The following PCDH1 variants were observed in gnomAD, a reference collection of about 807,000 sequenced individuals.
PCDH1 encodes protocadherin 1.
In PCDH1, 23 loss-of-function variants were observed where a neutral mutation model predicts 74.6. The observed-to-expected ratio is 0.31, with a 90% confidence interval of 0.22 to 0.44. The LOEUF is 0.44. Among genes scored for constraint, PCDH1 ranks in the 20% least tolerant of loss-of-function variants. PCDH1 has a pLI of 1.00. For synonymous variants in PCDH1, 647 were observed against 686.1 expected, an observed-to-expected ratio of 0.94 and a Z score of 0.89; for missense variants, 1,214 against 1,641.4, an observed-to-expected ratio of 0.74 and a Z score of 4.50.
At chr5:141,866,853 C>T (rs1752863239) in intron 2 of PCDH1, among the ~76,000 whole-genome samples, 1 of 152,322 alleles carries the variant, frequency 6.6e-6, no homozygotes, top group South Asian at 2.1e-4. Flanking sequence ...ACCCGCCTGC[C>T]TCTGAAAAAT....
Position 141,860,498 on chromosome 5 carries a change from CAA to C in PCDH1, c.3099+2732_3099+2733del, listed in dbSNP as rs375427155. Among the ~76,000 whole-genome samples the C allele has an allele frequency of 1.2e-3, 137 of 115,138 alleles. 1 individual carries two copies. The highest frequency in any genetic ancestry group is 2.8e-3 in the East Asian group (11 of 3,952). 75.5% of individuals were successfully genotyped at this position (115,138 alleles called of 152,430 possible). A position where few individuals can be genotyped will look rare whatever the true frequency, so the allele number is the denominator to read the frequency against. On this transcript the variant is annotated intron_variant, in intron 3 of 4. Coordinates refer to ENST00000287008, the MANE Select transcript of PCDH1 (RefSeq NM_032420.5). ...TGGGTGACAGAGCAAGACCCTGTCT[CAA>C]AAAAAAAAAAAAAAAAGGTTAAACG...
chr5:141,863,889 C>A lies in PCDH1; in HGVS notation c.2442G>T (p.Glu814Asp). ...CCAGCAGCGTGCGGTTGGCCAGAGT[C>A]TCATTGACATAAAGATGGACCAAGG... The part of the protein sequence containing the change: ...GTALVHLYVN[E>D]TLANRTLLET... Residue 814 changes from glutamate to aspartate, a missense_variant, in exon 3 of 5, where the codon GAG becomes GAT. Physicochemically the swap from Glu to Asp is conservative, Grantham distance 45. Coordinates refer to ENST00000287008, the MANE Select transcript of PCDH1 (RefSeq NM_032420.5). This position sits in a 1 kb window ranked among gnomAD's most constrained non-coding sequence, Gnocchi z 7.5. 14 of 1,614,184 alleles carry A rather than the reference C, an allele frequency of 8.7e-6. No individual in the cohort carries two copies. The highest frequency in any genetic ancestry group is 1.2e-5 in the Non-Finnish European group (14 of 1,180,020).
At position 141,868,749 on chromosome 5, in the gene PCDH1, C is replaced by G. The variant is rs1174950089; in HGVS notation, c.723G>C (p.Glu241Asp). The G allele has an allele frequency of 6.2e-7, 1 of 1,614,074 alleles. No homozygotes were observed. The highest frequency in any genetic ancestry group is 8.5e-7 in the Non-Finnish European group (1 of 1,180,028). Residue 241 changes from glutamate (E) to aspartate (D), a missense_variant, in exon 2 of 5, where the codon GAG (glutamate) becomes GAC (aspartate). This residue lies in a region of PCDH1 where 836 missense variants were observed against 1,182.2 expected (regional missense o/e 0.71). Transcript: ENST00000287008. The surrounding 1 kb of genome is among the most constrained non-coding windows in gnomAD (Gnocchi z 4.8). ...QLIVMGNLDRERWDSYDLTIK... is the reference protein window; with the variant it reads ...QLIVMGNLDRDRWDSYDLTIK... ...TGGTGAGGTCATAGGAGTCCCAGCG[C>G]TCACGGTCCAGGTTGCCCATCACAA...
Position 141,878,293 on chromosome 5 carries a change from G to C in PCDH1, c.-31C>G, listed in dbSNP as rs905235018. 38 of 1,237,376 alleles carry C rather than the reference G, an allele frequency of 3.1e-5. No homozygotes were observed. The highest frequency in any genetic ancestry group is 3.8e-5 in the Non-Finnish European group (38 of 992,438). The allele number at this position is 1,237,376 out of a possible 1,614,324, so 76.6% of individuals were successfully genotyped here. On this transcript the variant is annotated 5_prime_UTR_variant, in exon 1 of 5. Coordinates refer to ENST00000287008, the MANE Select transcript of PCDH1 (RefSeq NM_032420.5). The surrounding 1 kb of genome is among the most constrained non-coding windows in gnomAD (Gnocchi z 5.5). ...GCCGCCGGCCCCGGCCTGGGCTGCG[G>C]CTCCGCACGGCTGGGGCTGGAGCTG... is the stretch of plus-strand genomic sequence containing the variant.
At chr5:141,866,414 T>C (rs1199677259) in intron 2 of PCDH1, among the ~76,000 whole-genome samples, 1 of 152,156 alleles carries the variant, frequency 6.6e-6, no homozygotes, top group African/African-American at 2.4e-5. Flanking sequence ...CTCAACTCTA[T>C]ACAAACATGG....
chr5:141,865,637 G>C lies in PCDH1; in HGVS notation c.904-210C>G, dbSNP rs1442851898. 6.6e-6 allele frequency among the ~76,000 whole-genome samples: 1 copy of C among 152,178 alleles called. No homozygotes were observed. Among genetic ancestry groups the C allele is most frequent in the East Asian group, 1.9e-4 (1 of 5,202 alleles). On this transcript the variant is annotated intron_variant, in intron 2 of 4. Coordinates refer to ENST00000287008, the MANE Select transcript of PCDH1 (RefSeq NM_032420.5). The surrounding 1 kb of genome is among the most constrained non-coding windows in gnomAD (Gnocchi z 4.4). ...CATTACTAACCTATTTTCCTGAAGA[G>C]CCCAGATGCAGCCTGCAAATCCTCA...
Position 141,869,737 on chromosome 5 carries a change from C to A in PCDH1, c.41-306G>T, listed in dbSNP as rs1424987280. ...CTCCCTGGGCCCAAGCCCGGCTGCCCGCCCTCTTTCCTTCTTTTCCTCCTT... is the reference window on the plus strand; with the variant it reads ...CTCCCTGGGCCCAAGCCCGGCTGCCAGCCCTCTTTCCTTCTTTTCCTCCTT... On this transcript the variant is annotated intron_variant, in intron 1 of 4. Coordinates refer to ENST00000287008, the MANE Select transcript of PCDH1 (RefSeq NM_032420.5). This position sits in a 1 kb window ranked among gnomAD's most constrained non-coding sequence, Gnocchi z 4.9. The A allele has an allele frequency of 4.8e-6, 7 of 1,448,090 alleles. No homozygotes were observed. In the Admixed American group the frequency reaches 1.4e-4, roughly 29 times the overall value. 89.7% of individuals were successfully genotyped at this position (1,448,090 alleles called of 1,614,324 possible).
intron 2 of PCDH1, among the ~76,000 whole-genome samples, chr5:141,866,883 G>A (rs1031648213): frequency 3.3e-5 from 5 of 152,096 alleles, no homozygotes; most frequent in African/African-American, 1.2e-4. Flanking sequence ...TGCAGTAGTG[G>A]GCACTGCACC....
chr5:141,855,628 C>G (rs539161819), intron 4 of PCDH1, among the ~76,000 whole-genome samples: 62 of 152,190 alleles, frequency 4.1e-4, no homozygotes, highest in African/African-American at 1.5e-3. Context: ...ACCCACCCTC[C>G]TCCTGCAAGA....
intron 1 of PCDH1, among the ~76,000 whole-genome samples, chr5:141,872,286 C>T (rs1241007697): frequency 1.3e-5 from 2 of 152,262 alleles, no homozygotes; most frequent in Admixed American, 6.5e-5. Flanking sequence ...TGTGGTATCA[C>T]TGTGCACCCT....
In PCDH1 at chr5:141,864,045, A is replaced by G. The variant is rs139365073; in HGVS notation, c.2286T>C (p.Tyr762=). The part of the protein sequence containing the change: ...LIYSIAGGNP[Y]GLFQIGSHSG... Reference sequence around the variant, plus strand: ...AATGTGACCCAATCTGGAAGAGTCCATAAGGGTTGCCACCTGCAATGCTGT... The same window carrying G: ...AATGTGACCCAATCTGGAAGAGTCCGTAAGGGTTGCCACCTGCAATGCTGT... Residue 762 remains tyrosine, a synonymous_variant, in exon 3 of 5, where the codon TAT becomes TAC. Coordinates refer to ENST00000287008, the MANE Select transcript of PCDH1 (RefSeq NM_032420.5). This position sits in a 1 kb window ranked among gnomAD's most constrained non-coding sequence, Gnocchi z 5.9. 3.7e-6 allele frequency: 6 copies of G among 1,613,910 alleles called. No individual in the cohort carries two copies. In the African/African-American group the frequency reaches 6.7e-5, roughly 18 times the overall value.
At chr5:141,872,304 TAC>T (rs1305150415) in intron 1 of PCDH1, among the ~76,000 whole-genome samples, 1 of 152,186 alleles carries the variant, frequency 6.6e-6, no homozygotes, top group Non-Finnish European at 1.5e-5. Context: ...CCTAATTCTC[TAC>T]AAAAGTCTTG....
At position 141,864,359 on chromosome 5, in the gene PCDH1, A is replaced by C; in HGVS notation, c.1972T>G (p.Phe658Val). The C allele has an allele frequency of 6.2e-7, 1 of 1,613,988 alleles. No individual in the cohort carries two copies. The highest frequency in any genetic ancestry group is 1.3e-5 in the African/African-American group (1 of 75,012). Residue 658 changes from phenylalanine (F) to valine (V), a missense_variant, in exon 3 of 5, where the codon TTT (phenylalanine) becomes GTT (valine). By Grantham distance (50) the Phe-to-Val change is conservative. Transcript: ENST00000287008. The surrounding 1 kb of genome is among the most constrained non-coding windows in gnomAD (Gnocchi z 5.9). ...GTGCCTGTGCCATTCTGGATAACAA[A>C]GTCACCGTTGTCCTGCTCCACTGAG... is the stretch of plus-strand genomic sequence containing the variant. ...QLSVEQDNGD[F>V]VIQNGTGTIL...
At position 141,868,219 on chromosome 5, in the gene PCDH1, G is replaced by A. The variant is rs779494567; in HGVS notation, c.903+350C>T. On this transcript the variant is annotated intron_variant, in intron 2 of 4. Transcript: ENST00000287008. The surrounding 1 kb of genome is among the most constrained non-coding windows in gnomAD (Gnocchi z 4.8). ...CAGGAGAGATTCTACCTGGATAAAC[G>A]GTGATTCCTTTGTTCCAACTCAGCT... 7.2e-5 allele frequency among the ~76,000 whole-genome samples: 11 copies of A among 152,190 alleles called. No individual in the cohort carries two copies. Among genetic ancestry groups the A allele is most frequent in the African/African-American group, 1.9e-4 (8 of 41,446 alleles).
Position 141,876,776 on chromosome 5 carries a change from CGGGACCCACCAAGGTGTGT to C in PCDH1, c.40+1428_40+1446del, listed in dbSNP as rs557814644. Among the ~76,000 whole-genome samples the C allele has an allele frequency of 2.6e-3, 386 of 150,724 alleles. 1 individual carries two copies. The highest frequency in any genetic ancestry group is 8.6e-3 in the African/African-American group (355 of 41,424). On this transcript the variant is annotated intron_variant, in intron 1 of 4. Coordinates refer to ENST00000287008, the MANE Select transcript of PCDH1 (RefSeq NM_032420.5). ...CAGGTGTGAGACGAACCCAGGTGTG[CGGGACCCACCAAGGTGTGT>C]GGGACCCAGGTGTGCTGGAGACCCA...
Position 141,854,208 on chromosome 5 carries a change from G to T in PCDH1, c.3548C>A (p.Ala1183Asp). ...SPPEDRNTKT[A>D]PVRLLPSYSA... ...GTAGGAGGGCAGGAGGCGCACGGGG[G>T]CCGTTTTGGTGTTCCGGTCTTCCGG... The change falls in exon 5 of 5, where the codon GCC becomes GAC. Residue 1183 changes from alanine (A) to aspartate (D), a missense_variant. Physicochemically the swap from Ala to Asp is moderately radical, Grantham distance 126. This residue lies in a region of PCDH1 where 194 missense variants were observed against 198.3 expected (regional missense o/e 0.98). Transcript: ENST00000287008. The T allele has an allele frequency of 6.2e-7, 1 of 1,610,498 alleles. No homozygotes were observed. The highest frequency in any genetic ancestry group is 8.5e-7 in the Non-Finnish European group (1 of 1,177,790).
At chr5:141,859,662 A>G (rs887660436) in intron 3 of PCDH1, among the ~76,000 whole-genome samples, 4 of 152,066 alleles carry the variant, frequency 2.6e-5, no homozygotes, top group African/African-American at 9.7e-5. Context: ...TCCCTACCTC[A>G]TATCCAATTA....
chr5:141,863,417 T>G lies in PCDH1; in HGVS notation c.2914A>C (p.Asn972His). ...AGCTGGATGGAAGGCAGTGGGGAGTTAGAGCGATAGTGGCGGCCCAGGTCA... is the reference window on the plus strand; with the variant it reads ...AGCTGGATGGAAGGCAGTGGGGAGTGAGAGCGATAGTGGCGGCCCAGGTCA... ...SPDLGRHYRSNSPLPSIQLQP... is the reference protein window; with the variant it reads ...SPDLGRHYRSHSPLPSIQLQP... Residue 972 changes from asparagine to histidine, a missense_variant, in exon 3 of 5, where the codon AAC becomes CAC. This residue lies in a region of PCDH1 where 836 missense variants were observed against 1,182.2 expected (regional missense o/e 0.71). Coordinates refer to ENST00000287008, the MANE Select transcript of PCDH1 (RefSeq NM_032420.5). This position sits in a 1 kb window ranked among gnomAD's most constrained non-coding sequence, Gnocchi z 7.5. 1 of 1,560,816 alleles carries G rather than the reference T, an allele frequency of 6.4e-7. No individual in the cohort carries two copies. Among genetic ancestry groups the G allele is most frequent in the African/African-American group, 1.4e-5 (1 of 73,770 alleles).
chr5:141,873,515 C>T (rs1260815356), intron 1 of PCDH1, among the ~76,000 whole-genome samples: 1 of 150,700 alleles, frequency 6.6e-6, no homozygotes, highest in South Asian at 2.1e-4. Context: ...GGCGCGATCC[C>T]GGCTCACTGC....
Sources: gnomAD v4.1 joint callset for allele counts (sites outside exome capture counted in the v4.1 genomes callset) on GRCh38, gnomAD v4.1.1 for gene constraint, gnomAD v4.1.1 regional missense constraint, Gnocchi (gnomAD v3.1) non-coding constraint, MANE v1.5 for transcripts, NCBI Gene and HGNC (gene_info 2026-07-23, HGNC 2026-07-21) for gene names.